TRAF6: variants seen among roughly 807,000 people sequenced by gnomAD.
TRAF6 encodes TNF receptor-associated factor 6.
TRAF6 carries 10 observed loss-of-function variants against 48.4 expected under a neutral mutation model. The observed-to-expected ratio is 0.21, with a 90% CI of 0.13 to 0.35. The LOEUF is 0.35. Among genes scored for constraint, TRAF6 ranks in the 10% least tolerant of loss-of-function variants. The pLI, the probability that TRAF6 is intolerant of heterozygous loss-of-function variation, is 1.00. For missense variants in TRAF6, 397 were observed against 661.0 expected, an observed-to-expected ratio of 0.60 and a Z score of 4.38; for synonymous variants, 186 against 219.6, an observed-to-expected ratio of 0.85 and a Z score of 1.35.
intron 4 of TRAF6, among the ~76,000 whole-genome samples, chr11:36,496,776 G>A (rs563156045): frequency 3.9e-4 from 44 of 111,510 alleles, no homozygotes; most frequent in Non-Finnish European, 7.7e-4. Flanking sequence ...TAATCTACTT[G>A]TTTGTCTCCA....
Position 36,501,327 on chromosome 11 carries a change from G to T in TRAF6, c.189C>A (p.Pro63=). 1 of 1,613,952 alleles carries T rather than the reference G, an allele frequency of 6.2e-7. No individual in the cohort carries two copies. The highest frequency in any genetic ancestry group is 1.7e-4 in the Middle Eastern group (1 of 6,046). The change falls in exon 2 of 7, where the codon CCC becomes CCA. Residue 63 remains proline, a synonymous_variant. Coordinates refer to ENST00000526995, the MANE Select transcript of TRAF6 (RefSeq NM_004620.4). ...TGGGGCATTCATACTTGCTTTCCAG[G>T]GGTGGGTCAAACTCTACATCATATC... ...IQGYDVEFDP[P]LESKYECPIC...
rs1319521716 is a variant in TRAF6 at position 36,492,608 on chromosome 11, T to A, written c.699A>T (p.Leu233=). 2 of 1,610,636 alleles carry A rather than the reference T, an allele frequency of 1.2e-6. No individual in the cohort carries two copies. The highest frequency in any genetic ancestry group is 2.7e-5 in the African/African-American group (2 of 74,804). ...IREQMPNHYD[L]DCPTAPIPCT... The stretch of plus-strand genomic sequence containing the variant: ...ATGGAATTGGGGCTGTAGGGCAGTC[T>A]AGATCATAATGATTAGGCATCTGAA... The change falls in exon 6 of 7, where the codon CTA becomes CTT. Residue 233 remains leucine, a synonymous_variant. Transcript: ENST00000526995.
rs1450975550 is a variant in TRAF6 at position 36,488,855 on chromosome 11, A to G, written c.*983T>C. The G allele has an allele frequency of 1.3e-5, 2 of 152,166 alleles. No homozygotes were observed. The highest frequency in any genetic ancestry group is 4.8e-5 in the African/African-American group (2 of 41,434). 9.4% of individuals were successfully genotyped at this position (152,166 alleles called of 1,614,324 possible). ...ATTTTGTTCTTTTTAATCGAAATAA[A>G]CCAGAGGGTATTCAAAAGAGCTGAA... On this transcript the variant is annotated 3_prime_UTR_variant, in exon 7 of 7. Coordinates refer to ENST00000526995, the MANE Select transcript of TRAF6 (RefSeq NM_004620.4).
chr11:36,497,791 A>T (rs1859660570), intron 3 of TRAF6, among the ~76,000 whole-genome samples: 2 of 152,210 alleles, frequency 1.3e-5, no homozygotes, highest in Non-Finnish European at 1.5e-5. Context: ...AACAGAAAAA[A>T]GTATAATGAG....
Position 36,490,225 on chromosome 11 carries a change from G to A in TRAF6, c.1182C>T (p.His394=), listed in dbSNP as rs1357501487. 5.6e-6 allele frequency: 9 copies of A among 1,614,070 alleles called. No homozygotes were observed. Among genetic ancestry groups the A allele is most frequent in the Non-Finnish European group, 7.6e-6 (9 of 1,180,052 alleles). ...KPGYKLCMRL[H]LQLPTAQRCA... ...AGCGCTGAGCAGTCGGTAACTGAAGGTGCAAGCGCATGCACAGTTTGTACC... is the reference window on the plus strand; with the variant it reads ...AGCGCTGAGCAGTCGGTAACTGAAGATGCAAGCGCATGCACAGTTTGTACC... The change falls in exon 7 of 7, where the codon CAC becomes CAT. Residue 394 remains histidine (H), a synonymous_variant. Coordinates refer to ENST00000526995, the MANE Select transcript of TRAF6 (RefSeq NM_004620.4). This position sits in a 1 kb window ranked among gnomAD's most constrained non-coding sequence, Gnocchi z 6.4.
intron 6 of TRAF6, among the ~76,000 whole-genome samples, chr11:36,491,042 T>A (rs1449310657): frequency 6.6e-6 from 1 of 152,224 alleles, no homozygotes; most frequent in Non-Finnish European, 1.5e-5. Context: ...TCTTTAAACA[T>A]CTCTTCCTCT....
chr11:36,489,667 A>C lies in TRAF6; in HGVS notation c.*171T>G. The C allele has an allele frequency of 1.3e-6, 1 of 763,344 alleles. No homozygotes were observed. The highest frequency in any genetic ancestry group is 2.1e-6 in the Non-Finnish European group (1 of 475,172). 47.3% of individuals were successfully genotyped at this position (763,344 alleles called of 1,614,324 possible). The stretch of plus-strand genomic sequence containing the variant: ...GGAACGTGTGGATTCCCAGGAAAAA[A>C]CTGCCTCAGATCATTTGTAACAGGA... On this transcript the variant is annotated 3_prime_UTR_variant, in exon 7 of 7. Transcript: ENST00000526995.
In TRAF6 at chr11:36,498,770, G is replaced by A; in HGVS notation, c.297-130C>T. On this transcript the variant is annotated intron_variant, in intron 2 of 6. Transcript: ENST00000526995. ...TAAAAACAATTTAACATATTATATT[G>A]CAGGTCACCAAAACAAACTGTCCTT... 4 of 966,144 alleles carry A rather than the reference G, an allele frequency of 4.1e-6. No homozygotes were observed. The South Asian group carries it at 7.6e-5, about 18-fold the overall frequency. 59.8% of individuals were successfully genotyped at this position (966,144 alleles called of 1,614,324 possible). A position where few individuals can be genotyped will look rare whatever the true frequency, so the allele number is the denominator to read the frequency against.
intron 4 of TRAF6, 36 bp downstream of exon 4, chr11:36,497,072 A>T: frequency 1.2e-6 from 2 of 1,603,572 alleles, no homozygotes; most frequent in Non-Finnish European, 1.7e-6. Context: ...ATATTTTAAG[A>T]AGTAGTGAAT....
intron 5 of TRAF6, 61 bp from the exon 6 acceptor site, chr11:36,492,689 C>A: frequency 7.8e-7 from 1 of 1,288,382 alleles, no homozygotes; most frequent in South Asian, 1.2e-5. Flanking sequence ...TAGTTTGATG[C>A]GATCACATTT....
At chr11:36,498,782 AACAAACTGTCCTTTTATGGAGAGCTT>A in intron 2 of TRAF6, 142 bp from the exon 3 acceptor site, 1 of 851,288 alleles carries the variant, frequency 1.2e-6, no homozygotes, top group East Asian at 2.8e-5. Flanking sequence ...AGGTCACCAA[AACAAACTGTCCTTTTATGGAGAGCTT>A]ACAAACTGTT....
chr11:36,508,732 G>A (rs1859845472), intron 1 of TRAF6, among the ~76,000 whole-genome samples: 1 of 152,146 alleles, frequency 6.6e-6, no homozygotes, highest in Non-Finnish European at 1.5e-5. Flanking sequence ...ACCTACAAAT[G>A]TACTCCAATG....
At chr11:36,505,927 T>C (rs1859778521) in intron 1 of TRAF6, among the ~76,000 whole-genome samples, 2 of 152,160 alleles carry the variant, frequency 1.3e-5, no homozygotes, top group Non-Finnish European at 2.9e-5. Context: ...TCATCTCATA[T>C]GGGTGTGGTG....
In TRAF6 at chr11:36,484,820, C is replaced by T. The variant is rs1859459557; in HGVS notation, c.*5018G>A. Among the ~76,000 whole-genome samples the T allele has an allele frequency of 6.6e-6, 1 of 152,194 alleles. No individual in the cohort carries two copies. The highest frequency in any genetic ancestry group is 2.1e-4 in the South Asian group (1 of 4,814). ...TAATTTATCAAGTGCAAAAAGAACA[C>T]GAGAATATTCTGCACAATTTATCAA... On this transcript the variant is annotated 3_prime_UTR_variant, in exon 7 of 7. Coordinates refer to ENST00000526995, the MANE Select transcript of TRAF6 (RefSeq NM_004620.4).
intron 1 of TRAF6, among the ~76,000 whole-genome samples, chr11:36,508,880 A>G (rs1346520329): frequency 6.6e-6 from 1 of 152,212 alleles, no homozygotes; most frequent in Non-Finnish European, 1.5e-5. Context: ...CTAAGTGTCC[A>G]AAAGTTTACC....
In TRAF6 at chr11:36,485,153, A is replaced by G. The variant is rs562093092; in HGVS notation, c.*4685T>C. ...ATTCTAGGTCGTAGATGTTCACTAT[A>G]CAAGTCTTTCAACATTTCTGCATGT... On this transcript the variant is annotated 3_prime_UTR_variant, in exon 7 of 7. Transcript: ENST00000526995. Among the ~76,000 whole-genome samples, 10 of 152,318 alleles carry G rather than the reference A, an allele frequency of 6.6e-5. No homozygotes were observed. Among genetic ancestry groups the G allele is most frequent in the African/African-American group, 2.4e-4 (10 of 41,532 alleles).
At chr11:36,499,455 C>T (rs931614343) in intron 2 of TRAF6, among the ~76,000 whole-genome samples, 4 of 151,862 alleles carry the variant, frequency 2.6e-5, no homozygotes, top group African/African-American at 9.7e-5. Context: ...GGTTGTATTT[C>T]CTTTTCAGAC....
chr11:36,488,634 A>G lies in TRAF6; in HGVS notation c.*1204T>C, dbSNP rs547100123. 4 of 152,172 alleles carry G rather than the reference A, an allele frequency of 2.6e-5. No homozygotes were observed. The highest frequency in any genetic ancestry group is 4.8e-5 in the African/African-American group (2 of 41,418). The allele number at this position is 152,172 out of a possible 1,614,324, so 9.4% of individuals were successfully genotyped here. A position where few individuals can be genotyped will look rare whatever the true frequency, so the allele number is the denominator to read the frequency against. ...ATACATGATGGCACACAAAAAAATC[A>G]TCTCCCTATTAGGAAAATCTGGTTA... On this transcript the variant is annotated 3_prime_UTR_variant, in exon 7 of 7. Coordinates refer to ENST00000526995, the MANE Select transcript of TRAF6 (RefSeq NM_004620.4).
Position 36,483,969 on chromosome 11 carries a change from CAT to C in TRAF6, c.*5867_*5868del, listed in dbSNP as rs1486253006. On this transcript the variant is annotated 3_prime_UTR_variant, in exon 7 of 7. Coordinates refer to ENST00000526995, the MANE Select transcript of TRAF6 (RefSeq NM_004620.4). Reference sequence around the variant, plus strand: ...CCTTGCAACCAGTACTGAGACATGACATAAAGTTAAAACTCCAGGTGCCTTTT... The same window carrying C: ...CCTTGCAACCAGTACTGAGACATGACAAAGTTAAAACTCCAGGTGCCTTTT... Among the ~76,000 whole-genome samples, 2 of 152,120 alleles carry C rather than the reference CAT, an allele frequency of 1.3e-5. No homozygotes were observed. Among genetic ancestry groups the C allele is most frequent in the Non-Finnish European group, 2.9e-5 (2 of 68,018 alleles).
Sources: gnomAD v4.1 joint callset for allele counts (sites outside exome capture counted in the v4.1 genomes callset) on GRCh38, gnomAD v4.1.1 for gene constraint, Gnocchi (gnomAD v3.1) non-coding constraint, MANE v1.5 for transcripts, NCBI Gene and HGNC (gene_info 2026-07-23, HGNC 2026-07-21) for gene names.